SUPT3H: variants seen among roughly 807,000 people sequenced by gnomAD.
SUPT3H encodes transcription initiation protein SPT3 homolog.
Under a neutral mutation model 44.3 loss-of-function variants are expected in SUPT3H, and 44 were observed. The observed-to-expected ratio is 0.99, with a 90% CI of 0.78 to 1.28. The LOEUF (loss-of-function observed/expected upper bound fraction) is 1.28. Ranked by LOEUF, SUPT3H falls within the 50% of genes most tolerant of loss-of-function variation. The pLI is 0.00. For missense variants in SUPT3H, 380 were observed against 387.1 expected (o/e 0.98, Z 0.15); for synonymous variants, 124 against 125.6 (o/e 0.99, Z 0.09).
chr6:44,912,906 T>C (rs1323795842), intron 10 of SUPT3H, among the ~76,000 whole-genome samples: 1 of 152,218 alleles, frequency 6.6e-6, no homozygotes, highest in Non-Finnish European at 1.5e-5. Flanking sequence ...CTCCAGTGTC[T>C]AATATTGCAC....
intron 2 of SUPT3H, among the ~76,000 whole-genome samples, chr6:45,140,062 T>G (rs6917594): frequency 0.87 from 132,787 of 152,076 alleles, 58,244 homozygotes; most frequent in African/African-American, 0.92. Flanking sequence ...CTCCGGAACT[T>G]CATGGGAGCT....
At chr6:45,014,564 T>C (rs1372861703) in intron 5 of SUPT3H, among the ~76,000 whole-genome samples, 1 of 152,132 alleles carries the variant, frequency 6.6e-6, no homozygotes, top group Non-Finnish European at 1.5e-5. Flanking sequence ...TTTCAATTCA[T>C]CTGCAGAACT....
intron 3 of SUPT3H, among the ~76,000 whole-genome samples, chr6:45,053,443 A>C (rs1790620545): frequency 6.6e-6 from 1 of 152,090 alleles, no homozygotes; most frequent in Admixed American, 6.5e-5. Context: ...ATACTACCCC[A>C]AAATATGGCA....
intron 6 of SUPT3H, among the ~76,000 whole-genome samples, chr6:44,983,352 A>T (rs1779362839): frequency 6.6e-6 from 1 of 152,172 alleles, no homozygotes; most frequent in African/African-American, 2.4e-5. Flanking sequence ...ATTTACATTA[A>T]ATTTATTGGA....
chr6:45,065,076 C>G (rs1356358116), intron 3 of SUPT3H, among the ~76,000 whole-genome samples: 3 of 150,504 alleles, frequency 2.0e-5, no homozygotes, highest in Admixed American at 6.6e-5. Context: ...CTCTCCTCAG[C>G]AAATGTAAAA....
intron 10 of SUPT3H, among the ~76,000 whole-genome samples, chr6:44,862,436 G>A (rs773395223): frequency 2.4e-4 from 37 of 151,852 alleles, no homozygotes; most frequent in Non-Finnish European, 5.0e-4. Flanking sequence ...CAGCATTTTC[G>A]GAGGCCGAGG....
intron 3 of SUPT3H, among the ~76,000 whole-genome samples, chr6:45,036,951 C>T (rs73442966): frequency 0.033 from 5,028 of 152,058 alleles, 241 homozygotes; most frequent in African/African-American, 0.11. Context: ...ACTTCCAAAG[C>T]AAGCAGACAG....
intron 2 of SUPT3H, among the ~76,000 whole-genome samples, chr6:45,138,314 C>T (rs1215676342): frequency 1.3e-5 from 2 of 152,046 alleles, no homozygotes; most frequent in South Asian, 2.1e-4. Flanking sequence ...ATGTTAAACA[C>T]GAACTTCTCA....
intron 10 of SUPT3H, among the ~76,000 whole-genome samples, chr6:44,869,637 A>G (rs1011891308): frequency 6.6e-6 from 1 of 152,244 alleles, no homozygotes; most frequent in Non-Finnish European, 1.5e-5. Context: ...AAGTACACCC[A>G]TGAATCAGAA....
intron 10 of SUPT3H, among the ~76,000 whole-genome samples, chr6:44,897,216 G>C (rs536579372): frequency 1.3e-5 from 2 of 152,108 alleles, no homozygotes; most frequent in Non-Finnish European, 2.9e-5. Context: ...ATACACACTT[G>C]GTGCTTTTTG....
Position 45,061,571 on chromosome 6 carries a change from G to A in SUPT3H, c.187-40939C>T, listed in dbSNP as rs145961228. Among the ~76,000 whole-genome samples, 204 of 152,178 alleles carry A rather than the reference G, an allele frequency of 1.3e-3. 1 individual carries two copies. The highest frequency in any genetic ancestry group is 4.7e-3 in the African/African-American group (194 of 41,504). On this transcript the variant is annotated intron_variant, in intron 3 of 10. Coordinates refer to ENST00000371459, the MANE Select transcript of SUPT3H (RefSeq NM_003599.4). Reference sequence around the variant, plus strand: ...GTTTACCTATGTAACAAACCTGCACGTCCTGCACATGTACACCGGAACTTA... The same window carrying A: ...GTTTACCTATGTAACAAACCTGCACATCCTGCACATGTACACCGGAACTTA...
Position 44,849,457 on chromosome 6 carries a change from G to T in SUPT3H, c.913-19600C>A, listed in dbSNP as rs917897609. Reference sequence around the variant, plus strand: ...TTAGCCGGGATGGTCTCGATCTCCTGACCTCGTGATCCGCCCGCCTCGGCC... The same window carrying T: ...TTAGCCGGGATGGTCTCGATCTCCTTACCTCGTGATCCGCCCGCCTCGGCC... On this transcript the variant is annotated intron_variant, in intron 10 of 10. Transcript: ENST00000371459. 7.2e-5 allele frequency among the ~76,000 whole-genome samples: 11 copies of T among 151,854 alleles called. No homozygotes were observed. In the South Asian group the frequency reaches 2.3e-3, roughly 32 times the overall value.
At chr6:44,910,825 C>A (rs1348829125) in intron 10 of SUPT3H, among the ~76,000 whole-genome samples, 4 of 151,278 alleles carry the variant, frequency 2.6e-5, no homozygotes, top group Non-Finnish European at 5.9e-5. Context: ...GAAACCCCAT[C>A]TTCACTAAAA....
chr6:45,216,986 G>A (rs1422528447), intron 2 of SUPT3H, among the ~76,000 whole-genome samples: 1 of 152,086 alleles, frequency 6.6e-6, no homozygotes, highest in African/African-American at 2.4e-5. Flanking sequence ...TAGAGACTAG[G>A]GAGGGCAGAG....
intron 10 of SUPT3H, among the ~76,000 whole-genome samples, chr6:44,888,759 T>A (rs1265841487): frequency 2.0e-5 from 3 of 152,118 alleles, no homozygotes; most frequent in African/African-American, 7.2e-5. Context: ...TTGGAAGTTC[T>A]GGCCAGGGCA....
At chr6:45,010,727 T>G (rs1217104508) in intron 5 of SUPT3H, among the ~76,000 whole-genome samples, 1 of 152,070 alleles carries the variant, frequency 6.6e-6, no homozygotes, top group Non-Finnish European at 1.5e-5. Context: ...GCCCTAATCA[T>G]AAAGGTTCCA....
chr6:45,204,020 G>A (rs1311790070), intron 2 of SUPT3H, among the ~76,000 whole-genome samples: 1 of 152,108 alleles, frequency 6.6e-6, no homozygotes, highest in Non-Finnish European at 1.5e-5. Context: ...GGCCGAAGCT[G>A]GAGGATCACT....
intron 11 of SUPT3H, among the ~76,000 whole-genome samples, chr6:44,813,429 T>TC (rs1160627570): frequency 2.0e-5 from 3 of 151,844 alleles, no homozygotes; most frequent in Non-Finnish European, 4.4e-5. Flanking sequence ...CAAGAGATCC[T>TC]CCCCCCTACC....
At chr6:45,127,247 G>T (rs964048068) in intron 2 of SUPT3H, among the ~76,000 whole-genome samples, 1 of 152,156 alleles carries the variant, frequency 6.6e-6, no homozygotes, top group Non-Finnish European at 1.5e-5. Flanking sequence ...CTGGGAGGTG[G>T]AGGTTGCAGT....
Sources: allele counts gnomAD v4.1 joint callset (sites outside exome capture counted in the v4.1 genomes callset), GRCh38; gene constraint gnomAD v4.1.1; transcripts MANE v1.5; gene names NCBI Gene and HGNC (gene_info 2026-07-23, HGNC 2026-07-21).